Variants in RP1 observed in about 807,000 individuals in gnomAD.
RP1 encodes the protein oxygen-regulated protein 1.
Under a neutral mutation model 14.8 loss-of-function variants are expected in RP1, and 16 were observed. The observed-to-expected ratio is 1.08, with a 90% CI of 0.73 to 1.65. The LOEUF (loss-of-function observed/expected upper bound fraction) is 1.65. Among genes scored for constraint, RP1 ranks in the 40% most tolerant of loss-of-function variants. RP1 has a pLI of 0.00. For missense variants in RP1, 2,631 were observed against 2,535.0 expected, an observed-to-expected ratio of 1.04 and a Z score of -0.81; for synonymous variants, 876 against 883.6, an observed-to-expected ratio of 0.99 and a Z score of 0.15.
chr8:54,786,815 A>G (rs758270699), intron 24 of RP1, among the ~76,000 whole-genome samples: 3 of 152,122 alleles, frequency 2.0e-5, no homozygotes, highest in Non-Finnish European at 4.4e-5. Context: ...TGATTTCTAT[A>G]ACTTGCTGAA....
At chr8:54,766,007 G>A (rs1312743807) in intron 22 of RP1, among the ~76,000 whole-genome samples, 1 of 152,066 alleles carries the variant, frequency 6.6e-6, no homozygotes, top group Non-Finnish European at 1.5e-5. Context: ...GGGAAAGGAA[G>A]GAAGGGAAGG....
chr8:54,795,165 T>C (rs552775567), intron 24 of RP1, among the ~76,000 whole-genome samples: 43 of 152,182 alleles, frequency 2.8e-4, no homozygotes, highest in Admixed American at 6.5e-4. Context: ...ACAGACATTA[T>C]GGAAAACAGT....
At chr8:54,724,202 G>GA (rs550193088) in intron 16 of RP1, among the ~76,000 whole-genome samples, 11 of 152,210 alleles carry the variant, frequency 7.2e-5, no homozygotes, top group Admixed American at 4.6e-4. Context: ...TACGGTCTTA[G>GA]AAAAATATGA....
chr8:54,694,473 A>G (rs1320073268), intron 12 of RP1, among the ~76,000 whole-genome samples: 2 of 152,122 alleles, frequency 1.3e-5, no homozygotes, highest in South Asian at 4.1e-4. Flanking sequence ...TTGGTAAGCT[A>G]TTGATTATTG....
intron 1 of RP1, among the ~76,000 whole-genome samples, chr8:54,595,218 C>G (rs1297015131): frequency 1.3e-5 from 2 of 151,816 alleles, no homozygotes; most frequent in African/African-American, 4.8e-5. Context: ...CAAGCTCCAC[C>G]TCCCAGGTTC....
At chr8:54,605,238 G>A (rs1454154530) in intron 1 of RP1, among the ~76,000 whole-genome samples, 2 of 152,132 alleles carry the variant, frequency 1.3e-5, no homozygotes, top group African/African-American at 4.8e-5. Context: ...GGTATGTTGT[G>A]TCTTTGTTCT....
At chr8:54,725,359 T>C (rs1003692909) in intron 16 of RP1, among the ~76,000 whole-genome samples, 5 of 152,208 alleles carry the variant, frequency 3.3e-5, no homozygotes, top group African/African-American at 9.6e-5. Context: ...ATAAACCATA[T>C]GGAAAAACTA....
chr8:54,774,728 T>C (rs1411899838), downstream of RP1, among the ~76,000 whole-genome samples: 1 of 152,172 alleles, frequency 6.6e-6, no homozygotes. Context: ...AACATAGCAG[T>C]GGAACGGAAT....
intron 25 of RP1, among the ~76,000 whole-genome samples, chr8:54,846,906 G>A (rs1268565681): frequency 6.6e-6 from 1 of 152,178 alleles, no homozygotes; most frequent in Non-Finnish European, 1.5e-5. Flanking sequence ...TCTGGTTTCT[G>A]TGCCACCCTA....
intron 1 of RP1, among the ~76,000 whole-genome samples, chr8:54,587,415 G>T (rs2129299482): frequency 7.2e-6 from 1 of 138,018 alleles, no homozygotes; most frequent in South Asian, 2.3e-4. Context: ...GACAGAGTGA[G>T]ACCCTGTCTC....
At chr8:54,790,341 CT>C (rs1810433391) in intron 24 of RP1, among the ~76,000 whole-genome samples, 1 of 152,184 alleles carries the variant, frequency 6.6e-6, no homozygotes, top group Non-Finnish European at 1.5e-5. Context: ...GGGTGAAGGT[CT>C]TTCCCTGCCA....
intron 24 of RP1, among the ~76,000 whole-genome samples, chr8:54,785,560 G>A (rs750106924): frequency 3.3e-5 from 5 of 151,940 alleles, no homozygotes; most frequent in Non-Finnish European, 7.4e-5. Context: ...TATATACCTA[G>A]GAGTAAAATT....
chr8:54,846,553 C>T (rs771851407), intron 25 of RP1, among the ~76,000 whole-genome samples: 7 of 152,198 alleles, frequency 4.6e-5, no homozygotes, highest in Non-Finnish European at 8.8e-5. Flanking sequence ...TATATTTCAA[C>T]ATACTTGACT....
intron 6 of RP1, among the ~76,000 whole-genome samples, chr8:54,662,608 T>G (rs979201901): frequency 3.9e-5 from 6 of 152,148 alleles, no homozygotes; most frequent in African/African-American, 1.4e-4. Flanking sequence ...ATCTTTATAT[T>G]TGAGGAGTTC....
At position 54,851,050 on chromosome 8, in the gene RP1, CGT is replaced by C. The variant is rs34551647; in HGVS notation, c.3836-1508_3836-1507del. Among the ~76,000 whole-genome samples, 23 of 149,810 alleles carry C rather than the reference CGT, an allele frequency of 1.5e-4. No individual in the cohort carries two copies. The South Asian group carries it at 2.9e-3, about 19-fold the overall frequency. On this transcript the variant is annotated intron_variant, in intron 25 of 28. Transcript: ENST00000637698. ...ATTATTTAGATGGCAAGTACACGTA[CGT>C]GTGTGTGTGTGTGTGCGTGCATGTG...
At chr8:54,570,110 C>A (rs182024800) in intron 1 of RP1, among the ~76,000 whole-genome samples, 2 of 152,142 alleles carry the variant, frequency 1.3e-5, no homozygotes, top group African/African-American at 4.8e-5. Context: ...AACGTCCCCA[C>A]GCTTGTACCC....
chr8:54,782,065 T>C (rs1010632067), intron 23 of RP1, among the ~76,000 whole-genome samples: 3 of 152,164 alleles, frequency 2.0e-5, no homozygotes, highest in Admixed American at 2.0e-4. Flanking sequence ...AGGAAAGAGA[T>C]CCTTCAACTT....
At chr8:54,591,823 C>T (rs1275404210) in intron 1 of RP1, among the ~76,000 whole-genome samples, 1 of 152,116 alleles carries the variant, frequency 6.6e-6, no homozygotes, top group East Asian at 1.9e-4. Context: ...TAACTGGGCA[C>T]TGGGGCTAGG....
At chr8:54,708,045 G>A (rs1808192357) in intron 15 of RP1, among the ~76,000 whole-genome samples, 1 of 152,156 alleles carries the variant, frequency 6.6e-6, no homozygotes, top group Non-Finnish European at 1.5e-5. Context: ...AGAGTGTCCT[G>A]GGAGGAAATC....
Sources: allele counts gnomAD v4.1 joint callset (sites outside exome capture counted in the v4.1 genomes callset), GRCh38; gene constraint gnomAD v4.1.1; transcripts MANE v1.5; gene names NCBI Gene and HGNC (gene_info 2026-07-23, HGNC 2026-07-21).